The following ANTXR1 variants were observed in gnomAD, a reference collection of about 807,000 sequenced individuals.
ANTXR1 encodes the protein ANTXR cell adhesion molecule 1.
A neutral mutation model predicts 78.1 loss-of-function variants in ANTXR1; 19 were observed. The ratio of observed to expected loss-of-function variants is 0.24; its 90% confidence interval spans 0.17 to 0.36. The LOEUF is 0.36. Ranked by LOEUF, ANTXR1 falls within the 10% of genes least tolerant of loss-of-function variation. The probability of loss-of-function intolerance (pLI) is 1.00; values close to 1 mark genes in which losing one functional copy is unlikely to be tolerated. For synonymous variants in ANTXR1, 273 were observed against 260.5 expected (o/e 1.05, Z -0.46); for missense variants, 518 against 718.6 (o/e 0.72, Z 3.19).
intron 4 of ANTXR1, 85 bp from the exon 5 acceptor site, chr2:69,071,669 C>A: frequency 7.3e-7 from 1 of 1,376,494 alleles, no homozygotes; most frequent in Non-Finnish European, 1.0e-6. Flanking sequence ...GCTGCATATT[C>A]AACAACAGAG....
intron 12 of ANTXR1, among the ~76,000 whole-genome samples, chr2:69,125,514 G>A (rs1458283886): frequency 6.6e-6 from 1 of 152,146 alleles, no homozygotes; most frequent in Non-Finnish European, 1.5e-5. Flanking sequence ...CAGCCTGTCA[G>A]GGGGCAGTCA....
At chr2:69,113,019 C>T (rs1454685444) in intron 10 of ANTXR1, among the ~76,000 whole-genome samples, 1 of 152,174 alleles carries the variant, frequency 6.6e-6, no homozygotes, top group East Asian at 1.9e-4. Context: ...AAGTTAGCTG[C>T]ACCAGTCCCT....
At chr2:69,052,394 A>T (rs549265990) in intron 3 of ANTXR1, among the ~76,000 whole-genome samples, 2 of 152,202 alleles carry the variant, frequency 1.3e-5, no homozygotes, top group East Asian at 3.9e-4. Context: ...TTTCCATTGA[A>T]TATAAAGCTC....
At chr2:69,216,303 C>T (rs916750541) in intron 17 of ANTXR1, among the ~76,000 whole-genome samples, 15 of 152,036 alleles carry the variant, frequency 9.9e-5, no homozygotes, top group Non-Finnish European at 2.1e-4. Flanking sequence ...AACAGGTAAG[C>T]GGAGATAATC....
intron 17 of ANTXR1, among the ~76,000 whole-genome samples, chr2:69,217,763 T>C (rs955423496): frequency 1.3e-5 from 2 of 151,608 alleles, no homozygotes; most frequent in Admixed American, 1.3e-4. Flanking sequence ...GTGAGGGGAC[T>C]ATTCATAGGT....
intron 3 of ANTXR1, among the ~76,000 whole-genome samples, chr2:69,057,971 A>G (rs1670113728): frequency 6.6e-6 from 1 of 152,236 alleles, no homozygotes; most frequent in Admixed American, 6.5e-5. Context: ...AACAGCCACA[A>G]CATTCCCTAA....
At chr2:69,116,252 C>T (rs1026463726) in intron 10 of ANTXR1, among the ~76,000 whole-genome samples, 3 of 152,220 alleles carry the variant, frequency 2.0e-5, no homozygotes, top group Non-Finnish European at 2.9e-5. Flanking sequence ...CCCTAACACA[C>T]ATTTGTGAAT....
chr2:69,177,667 C>A (rs968835459), intron 14 of ANTXR1, among the ~76,000 whole-genome samples: 1 of 152,208 alleles, frequency 6.6e-6, no homozygotes, highest in African/African-American at 2.4e-5. Context: ...TCGCTTCTTC[C>A]GCGTTATCTC....
chr2:69,100,051 C>T (rs1379049208), intron 9 of ANTXR1, among the ~76,000 whole-genome samples: 2 of 152,090 alleles, frequency 1.3e-5, no homozygotes, highest in Non-Finnish European at 2.9e-5. Flanking sequence ...TCCCTAAAGC[C>T]CTGCAATCTT....
intron 3 of ANTXR1, among the ~76,000 whole-genome samples, chr2:69,062,133 G>C (rs191874843): frequency 4.6e-5 from 7 of 152,314 alleles, no homozygotes; most frequent in Admixed American, 4.6e-4. Flanking sequence ...GTCTGCCATA[G>C]ACAGACACTC....
In ANTXR1 at chr2:69,182,617, T is replaced by C. The variant is rs1258372515; in HGVS notation, c.1310T>C (p.Met437Thr). 6.2e-7 allele frequency: 1 copy of C among 1,614,146 alleles called. No individual in the cohort carries two copies. The highest frequency in any genetic ancestry group is 1.3e-5 in the African/African-American group (1 of 75,016). The change falls in exon 16 of 18, where the codon ATG becomes ACG. Residue 437 changes from methionine (M) to threonine (T), a missense_variant. Transcript: ENST00000303714. ...FPEPRNLNNN[M>T]RRPSSPRKWY... is the part of the protein sequence containing the mutation. Reference sequence around the variant, plus strand: ...GAGCCGCGAAATCTCAACAACAATATGCGTCGGCCTTCTTCCCCCCGGAAG... The same window carrying C: ...GAGCCGCGAAATCTCAACAACAATACGCGTCGGCCTTCTTCCCCCCGGAAG...
intron 1 of ANTXR1, among the ~76,000 whole-genome samples, chr2:69,038,180 T>G (rs1453138720): frequency 6.6e-6 from 1 of 152,216 alleles, no homozygotes; most frequent in Non-Finnish European, 1.5e-5. Context: ...ACAGGTTACA[T>G]ATTAATTCTT....
At chr2:69,183,574 GTTTTTTTT>G (rs55898655) in intron 16 of ANTXR1, among the ~76,000 whole-genome samples, 2 of 109,290 alleles carry the variant, frequency 1.8e-5, no homozygotes, top group Non-Finnish European at 4.0e-5. Flanking sequence ...GCTAATTTTT[GTTTTTTTT>G]TTTTTTTTTT....
chr2:69,180,318 C>G (rs900125306), intron 14 of ANTXR1, among the ~76,000 whole-genome samples: 2 of 152,244 alleles, frequency 1.3e-5, no homozygotes, highest in African/African-American at 4.8e-5. Context: ...ATTTCTCCCT[C>G]TTTTGTTCAT....
At position 69,013,472 on chromosome 2, in the gene ANTXR1, G is replaced by A. The variant is rs550973590; in HGVS notation, c.-28G>A. 8 of 1,583,378 alleles carry A rather than the reference G, an allele frequency of 5.1e-6. No individual in the cohort carries two copies. In the South Asian group the frequency reaches 9.3e-5, roughly 18 times the overall value. ...GAGTTCGCGGAGCGTGGGAAGGAGCGGACCCTGCTCTCCCCGGGCTGCGGG... is the reference window on the plus strand; with the variant it reads ...GAGTTCGCGGAGCGTGGGAAGGAGCAGACCCTGCTCTCCCCGGGCTGCGGG... On this transcript the variant is annotated 5_prime_UTR_variant, in exon 1 of 18. Transcript: ENST00000303714. The surrounding 1 kb of genome is among the most constrained non-coding windows in gnomAD (Gnocchi z 5.0).
chr2:69,181,834 G>A lies in ANTXR1; in HGVS notation c.1138G>A (p.Ala380Thr), dbSNP rs1674282179. The change falls in exon 15 of 18, where the codon GCC (alanine) becomes ACC (threonine). Residue 380 changes from alanine to threonine, a missense_variant. Ala to Thr is a moderately conservative substitution (Grantham distance 58). Coordinates refer to ENST00000303714, the MANE Select transcript of ANTXR1 (RefSeq NM_032208.3). ...TAAGAAAAAGTGGCCAACGGTAGAC[G>A]CCTCTTATTATGGTGGGAGAGGCGT... ...LPKKKWPTVD[A>T]SYYGGRGVGG... The A allele has an allele frequency of 1.2e-6, 2 of 1,614,096 alleles. No individual in the cohort carries two copies. The highest frequency in any genetic ancestry group is 1.6e-4 in the Middle Eastern group (1 of 6,062).
chr2:69,186,480 C>T (rs1040618038), intron 16 of ANTXR1, among the ~76,000 whole-genome samples: 5 of 152,184 alleles, frequency 3.3e-5, no homozygotes, highest in Non-Finnish European at 4.4e-5. Context: ...CCGAACTCAC[C>T]GTGGTCCTAA....
chr2:69,210,023 T>C (rs911928173), intron 17 of ANTXR1, among the ~76,000 whole-genome samples: 1 of 152,148 alleles, frequency 6.6e-6, no homozygotes, highest in African/African-American at 2.4e-5. Flanking sequence ...GTGACAAGGT[T>C]GGAGTCCCGG....
chr2:69,046,451 T>C (rs1226676278), intron 3 of ANTXR1, among the ~76,000 whole-genome samples: 1 of 152,212 alleles, frequency 6.6e-6, no homozygotes, highest in Non-Finnish European at 1.5e-5. Flanking sequence ...TCACTACTGC[T>C]AGTTTCCTGT....
Sources: gnomAD v4.1 joint callset for allele counts (sites outside exome capture counted in the v4.1 genomes callset) on GRCh38, gnomAD v4.1.1 for gene constraint, Gnocchi (gnomAD v3.1) non-coding constraint, MANE v1.5 for transcripts, NCBI Gene and HGNC (gene_info 2026-07-23, HGNC 2026-07-21) for gene names.